Variants in TECTA observed in about 807,000 individuals in gnomAD.
TECTA encodes alpha-tectorin.
In TECTA, 128 loss-of-function variants were observed where a neutral mutation model predicts 216.8. The ratio of observed to expected loss-of-function variants is 0.59; its 90% CI spans 0.51 to 0.68. The LOEUF (loss-of-function observed/expected upper bound fraction) is 0.68. TECTA is among the 30% of genes least tolerant of loss of function. The probability of loss-of-function intolerance (pLI) is 0.00; values close to 1 mark genes in which losing one functional copy is unlikely to be tolerated. For synonymous variants in TECTA, 1,089 were observed against 1,117.1 expected, an observed-to-expected ratio of 0.97 and a Z score of 0.50; for missense variants, 2,551 against 2,786.2, an observed-to-expected ratio of 0.92 and a Z score of 1.90.
At chr11:121,161,512 G>A (rs1012951014) in intron 15 of TECTA, among the ~76,000 whole-genome samples, 2 of 106,596 alleles carry the variant, frequency 1.9e-5, no homozygotes, top group Non-Finnish European at 3.9e-5. Flanking sequence ...GGATTTGGCC[G>A]GCCTGCCTCC....
chr11:121,133,105 T>G (rs548510414), intron 10 of TECTA, among the ~76,000 whole-genome samples: 2 of 152,364 alleles, frequency 1.3e-5, no homozygotes, highest in South Asian at 4.1e-4. Flanking sequence ...TGTTTGCTTA[T>G]TTTCTTAGCT....
chr11:121,122,577 T>C (rs748416626), intron 7 of TECTA, among the ~76,000 whole-genome samples: 17 of 146,044 alleles, frequency 1.2e-4, no homozygotes, highest in Non-Finnish European at 2.2e-4. Flanking sequence ...GTCTCACACC[T>C]ATAATCCCAG....
At chr11:121,142,727 C>T (rs1254736078) in intron 11 of TECTA, among the ~76,000 whole-genome samples, 1 of 152,162 alleles carries the variant, frequency 6.6e-6, no homozygotes, top group Non-Finnish European at 1.5e-5. Flanking sequence ...CTCTCACCCT[C>T]CATGCACCCT....
In TECTA at chr11:121,113,171, G is replaced by A. The variant is rs751960882; in HGVS notation, c.586G>A (p.Gly196Ser). ...INWTTGTASG[G>S]DPLTGLGGVM... ...CTGGACCACGGGGACGGCGAGTGGC[G>A]GCGACCCCCTGACAGGTCTTGGTGG... The change falls in exon 5 of 24, where the codon GGC becomes AGC. Residue 196 changes from glycine to serine, a missense_variant. Coordinates refer to ENST00000392793, the MANE Select transcript of TECTA (RefSeq NM_005422.4). This position sits in a 1 kb window ranked among gnomAD's most constrained non-coding sequence, Gnocchi z 4.2. 2.5e-6 allele frequency: 4 copies of A among 1,613,802 alleles called. No homozygotes were observed. Among genetic ancestry groups the A allele is most frequent in the East Asian group, 2.2e-5 (1 of 44,880 alleles).
At position 121,185,502 on chromosome 11, in the gene TECTA, T is replaced by C. The variant is rs147261613; in HGVS notation, c.6000-2330T>C. 6.6e-3 allele frequency among the ~76,000 whole-genome samples: 603 copies of C among 91,550 alleles called. 5 individuals are homozygous for C. Among genetic ancestry groups the C allele is most frequent in the South Asian group, 0.027 (49 of 1,786 alleles). 60.1% of individuals were successfully genotyped at this position (91,550 alleles called of 152,430 possible). A position where few individuals can be genotyped will look rare whatever the true frequency, so the allele number is the denominator to read the frequency against. On this transcript the variant is annotated intron_variant, in intron 20 of 23. Coordinates refer to ENST00000392793, the MANE Select transcript of TECTA (RefSeq NM_005422.4). The stretch of plus-strand genomic sequence containing the variant: ...AAGCAGATGTTGAATGCTTAATGAA[T>C]GAGTAGGGAAAGCAGATGTTCAATG...
At chr11:121,170,577 C>T (rs1429835233) in intron 20 of TECTA, among the ~76,000 whole-genome samples, 1 of 152,084 alleles carries the variant, frequency 6.6e-6, no homozygotes, top group Non-Finnish European at 1.5e-5. Flanking sequence ...TCCATATCCT[C>T]ACTAGCATTT....
At chr11:121,137,270 GC>G in intron 10 of TECTA, 150 bp from the exon 11 acceptor site, 1 of 1,045,374 alleles carries the variant, frequency 9.6e-7, no homozygotes, top group Non-Finnish European at 1.5e-6. Context: ...ACACATGCAT[GC>G]ACAAATGCAT....
At chr11:121,176,953 C>T (rs1308253311) in intron 20 of TECTA, among the ~76,000 whole-genome samples, 1 of 152,224 alleles carries the variant, frequency 6.6e-6, no homozygotes, top group Non-Finnish European at 1.5e-5. Context: ...ACCCTTACTT[C>T]CAGTTGATCA....
intron 6 of TECTA, among the ~76,000 whole-genome samples, chr11:121,116,440 A>G (rs953365214): frequency 2.0e-5 from 3 of 152,222 alleles, no homozygotes; most frequent in Admixed American, 6.5e-5. Context: ...GGGTCCTGGG[A>G]ATGAAATGCT....
chr11:121,190,419 C>T (rs1947330076), intron 23 of TECTA, among the ~76,000 whole-genome samples: 1 of 152,216 alleles, frequency 6.6e-6, no homozygotes, highest in South Asian at 2.1e-4. Context: ...CACACGCCAC[C>T]ACGCCCAGCT....
At chr11:121,133,757 C>T (rs1053244953) in intron 10 of TECTA, among the ~76,000 whole-genome samples, 8 of 152,194 alleles carry the variant, frequency 5.3e-5, no homozygotes, top group Non-Finnish European at 2.9e-5. Flanking sequence ...CACACGGAAG[C>T]ACGATCTTGT....
chr11:121,153,611 T>C (rs1340992441), intron 13 of TECTA, among the ~76,000 whole-genome samples: 1 of 152,156 alleles, frequency 6.6e-6, no homozygotes, highest in Non-Finnish European at 1.5e-5. Context: ...GTCACTGTGG[T>C]ATCATCCCTG....
chr11:121,147,309 A>G (rs761379247), intron 12 of TECTA, among the ~76,000 whole-genome samples: 1 of 152,194 alleles, frequency 6.6e-6, no homozygotes, highest in Non-Finnish European at 1.5e-5. Flanking sequence ...GGAGATTCAG[A>G]TGAAAAACCA....
chr11:121,138,173 A>T lies in TECTA; in HGVS notation c.3543+151A>T. ...AGAGAGGCCCTAGAGATTTTCTGTC[A>T]CTTCATCTTACAGAGAAGGAAACAG... On this transcript the variant is annotated intron_variant, in intron 11 of 23. Coordinates refer to ENST00000392793, the MANE Select transcript of TECTA (RefSeq NM_005422.4). 4 of 1,166,182 alleles carry T rather than the reference A, an allele frequency of 3.4e-6. No individual in the cohort carries two copies. In the South Asian group the frequency reaches 6.1e-5, roughly 18 times the overall value. The allele number at this position is 1,166,182 out of a possible 1,614,324, so 72.2% of individuals were successfully genotyped here. A position where few individuals can be genotyped will look rare whatever the true frequency, so the allele number is the denominator to read the frequency against.
In TECTA at chr11:121,101,888, G is replaced by A. The variant is rs114567759; in HGVS notation, c.-2+446G>A. Among the ~76,000 whole-genome samples, 843 of 152,314 alleles carry A rather than the reference G, an allele frequency of 5.5e-3. 7 individuals are homozygous for A. The highest frequency in any genetic ancestry group is 0.019 in the African/African-American group (790 of 41,572). On this transcript the variant is annotated intron_variant, in intron 1 of 23. Transcript: ENST00000392793. ...ACAGACAAAACATGCTCCTGATGGA[G>A]GGTAAAGCCACCATGCAACCGATTG...
At chr11:121,148,794 C>T (rs924951654) in intron 12 of TECTA, among the ~76,000 whole-genome samples, 2 of 152,186 alleles carry the variant, frequency 1.3e-5, no homozygotes, top group African/African-American at 4.8e-5. Context: ...TAATTTATTA[C>T]TCAATTACCT....
chr11:121,140,682 C>A (rs551773208), intron 11 of TECTA, among the ~76,000 whole-genome samples: 1 of 152,154 alleles, frequency 6.6e-6, no homozygotes, highest in Non-Finnish European at 1.5e-5. Context: ...TAGCTTCTGG[C>A]GGCTGTGGGC....
chr11:121,119,288 G>A (rs1202221782), intron 7 of TECTA, among the ~76,000 whole-genome samples: 1 of 152,092 alleles, frequency 6.6e-6, no homozygotes, highest in Non-Finnish European at 1.5e-5. Context: ...ACCTGGATTG[G>A]CTTTGGTGAC....
chr11:121,173,716 A>G (rs964353195), intron 20 of TECTA, among the ~76,000 whole-genome samples: 39 of 151,532 alleles, frequency 2.6e-4, no homozygotes, highest in Non-Finnish European at 1.9e-4. Context: ...GTTTTTTCCA[A>G]TTCTGTGAAG....
Sources: allele counts gnomAD v4.1 joint callset (sites outside exome capture counted in the v4.1 genomes callset), GRCh38; gene constraint gnomAD v4.1.1; non-coding constraint Gnocchi (gnomAD v3.1); transcripts MANE v1.5; gene names NCBI Gene and HGNC (gene_info 2026-07-23, HGNC 2026-07-21).